The following AOAH variants were observed in gnomAD, a reference collection of about 807,000 sequenced individuals.
AOAH encodes the protein acyloxyacyl hydrolase (neutrophil).
In AOAH, 64 loss-of-function variants were observed where a neutral mutation model predicts 92.2. The ratio of observed to expected loss-of-function variants is 0.69; its 90% CI spans 0.57 to 0.86. The LOEUF is 0.86. Among genes scored for constraint, AOAH ranks in the 40% least tolerant of loss-of-function variants. The pLI is 0.00. For synonymous variants in AOAH, 263 were observed against 254.5 expected (o/e 1.03, Z -0.32); for missense variants, 656 against 694.6 (o/e 0.94, Z 0.62).
chr7:36,579,863 T>C (rs569411963), intron 12 of AOAH, among the ~76,000 whole-genome samples: 2 of 152,332 alleles, frequency 1.3e-5, no homozygotes, highest in East Asian at 1.9e-4. Flanking sequence ...CCAGGATCGA[T>C]ACCTTGTATA....
intron 8 of AOAH, among the ~76,000 whole-genome samples, chr7:36,621,302 A>G (rs1227899237): frequency 6.6e-6 from 1 of 152,234 alleles, no homozygotes; most frequent in Non-Finnish European, 1.5e-5. Context: ...TTTTCCATTC[A>G]TTAGAGGCTT....
At chr7:36,720,616 C>T (rs1433785543) in intron 1 of AOAH, among the ~76,000 whole-genome samples, 1 of 152,148 alleles carries the variant, frequency 6.6e-6, no homozygotes, top group Non-Finnish European at 1.5e-5. Flanking sequence ...CTGGCATTGG[C>T]AGTTTAAAGA....
At chr7:36,635,815 G>A (rs891041618) in intron 5 of AOAH, among the ~76,000 whole-genome samples, 9 of 152,092 alleles carry the variant, frequency 5.9e-5, no homozygotes, top group Admixed American at 4.6e-4. Context: ...TAACCTACCC[G>A]AGACTCAGTC....
chr7:36,604,565 G>T (rs1790852819), intron 11 of AOAH, among the ~76,000 whole-genome samples: 1 of 152,206 alleles, frequency 6.6e-6, no homozygotes, highest in Admixed American at 6.5e-5. Flanking sequence ...GTGTGAGAAA[G>T]AAGTGATATT....
chr7:36,594,270 A>G (rs757997771), intron 12 of AOAH, 69 bp downstream of exon 12: 12 of 1,241,786 alleles, frequency 9.7e-6, no homozygotes, highest in Non-Finnish European at 1.4e-5. Flanking sequence ...TCTTGGTAGC[A>G]ACCCCCATCT....
chr7:36,588,285 T>G (rs1013909005), intron 12 of AOAH, among the ~76,000 whole-genome samples: 7 of 152,224 alleles, frequency 4.6e-5, no homozygotes, highest in Non-Finnish European at 1.0e-4. Context: ...TACCAATGGC[T>G]ACATAGTGGA....
chr7:36,532,728 G>T (rs754111742), intron 16 of AOAH, among the ~76,000 whole-genome samples: 25 of 152,202 alleles, frequency 1.6e-4, no homozygotes, highest in African/African-American at 2.7e-4. Flanking sequence ...GGTATGAAAT[G>T]CTCCCTGCAT....
intron 2 of AOAH, among the ~76,000 whole-genome samples, chr7:36,683,197 T>C (rs1796752572): frequency 1.3e-5 from 2 of 152,228 alleles, no homozygotes; most frequent in African/African-American, 2.4e-5. Flanking sequence ...AGGAGTTTTA[T>C]ATACAGAAAA....
rs533150763 is a variant in AOAH, at chr7:36,560,849, G to A, written c.1022-11374C>T. ...AATGCTGCCTAGGAATTATTAAAAT[G>A]CACATAGCCATATAAATTAGGAGTA... On this transcript the variant is annotated intron_variant, in intron 13 of 20. Coordinates refer to ENST00000617537, the MANE Select transcript of AOAH (RefSeq NM_001637.4). Among the ~76,000 whole-genome samples the A allele has an allele frequency of 2.0e-5, 3 of 152,264 alleles. No homozygotes were observed. In the East Asian group the frequency reaches 5.8e-4, roughly 29 times the overall value.
intron 4 of AOAH, among the ~76,000 whole-genome samples, chr7:36,650,124 CCG>C (rs1794485414): frequency 1.6e-4 from 1 of 6,156 alleles, no homozygotes; most frequent in African/African-American, 2.7e-3. Context: ...CGGCCCACCA[CCG>C]TCTTGGAAGC....
chr7:36,706,885 T>A (rs371944688), intron 1 of AOAH, among the ~76,000 whole-genome samples: 2 of 152,144 alleles, frequency 1.3e-5, no homozygotes, highest in East Asian at 3.8e-4. Flanking sequence ...AGAGCTAGGA[T>A]TAGGCTTTGG....
At chr7:36,664,768 C>T (rs997051122) in intron 3 of AOAH, among the ~76,000 whole-genome samples, 3 of 152,182 alleles carry the variant, frequency 2.0e-5, no homozygotes, top group Non-Finnish European at 1.5e-5. Flanking sequence ...GTTTACTTGG[C>T]TCACTGTTCT....
intron 20 of AOAH, among the ~76,000 whole-genome samples, chr7:36,518,605 G>C (rs1051654620): frequency 2.6e-5 from 4 of 152,212 alleles, no homozygotes; most frequent in African/African-American, 9.7e-5. Flanking sequence ...ATCTATTCTA[G>C]ATGAATGCTA....
chr7:36,543,679 T>A (rs1359418408), intron 15 of AOAH, among the ~76,000 whole-genome samples: 1 of 152,158 alleles, frequency 6.6e-6, no homozygotes, highest in African/African-American at 2.4e-5. Flanking sequence ...GCAAGCATAA[T>A]CAACATGGCT....
At chr7:36,553,927 G>C in intron 13 of AOAH, among the ~76,000 whole-genome samples, 1 of 152,048 alleles carries the variant, frequency 6.6e-6, no homozygotes, top group Non-Finnish European at 1.5e-5. Flanking sequence ...CTCCCATTTT[G>C]TAGGTTGCCT....
intron 2 of AOAH, among the ~76,000 whole-genome samples, chr7:36,683,169 G>A (rs1408454810): frequency 6.6e-6 from 1 of 152,146 alleles, no homozygotes; most frequent in East Asian, 1.9e-4. Context: ...GATGCTCAGG[G>A]AAAGACATCA....
chr7:36,723,310 T>A (rs1431475830), intron 1 of AOAH, among the ~76,000 whole-genome samples: 2 of 152,068 alleles, frequency 1.3e-5, no homozygotes, highest in Non-Finnish European at 2.9e-5. Context: ...ATATCAAAGA[T>A]CTTACCTTAC....
intron 11 of AOAH, among the ~76,000 whole-genome samples, chr7:36,596,569 CA>C (rs1408383662): frequency 6.6e-6 from 1 of 152,126 alleles, no homozygotes; most frequent in Non-Finnish European, 1.5e-5. Context: ...AATGAAGACA[CA>C]GGGGGAAGGC....
chr7:36,693,881 A>T (rs577609694), intron 1 of AOAH, among the ~76,000 whole-genome samples: 22 of 152,314 alleles, frequency 1.4e-4, no homozygotes, highest in Non-Finnish European at 2.6e-4. Flanking sequence ...GTAAGTACTG[A>T]GAAACATGTT....
Sources: gnomAD v4.1 joint callset for allele counts (sites outside exome capture counted in the v4.1 genomes callset) on GRCh38, gnomAD v4.1.1 for gene constraint, MANE v1.5 for transcripts, NCBI Gene and HGNC (gene_info 2026-07-23, HGNC 2026-07-21) for gene names.